The following ALMS1 variants were observed in gnomAD, a reference collection of about 807,000 sequenced individuals.
ALMS1 encodes the protein centrosome-associated protein ALMS1.
Under a neutral mutation model 352.2 loss-of-function variants are expected in ALMS1, and 271 were observed. The ratio of observed to expected loss-of-function variants is 0.77; its 90% confidence interval spans 0.70 to 0.85. The LOEUF is 0.85. Ranked by LOEUF, ALMS1 falls within the 40% of genes least tolerant of loss-of-function variation. ALMS1 has a pLI of 0.00. For missense variants in ALMS1, 5,445 were observed against 4,870.7 expected (o/e 1.12, Z -3.51); for synonymous variants, 1,865 against 1,761.2 (o/e 1.06, Z -1.48).
intron 13 of ALMS1, among the ~76,000 whole-genome samples, chr2:73,550,683 A>G (rs548834418): frequency 6.6e-6 from 1 of 152,306 alleles, no homozygotes; most frequent in Non-Finnish European, 1.5e-5. Context: ...ATATGATACA[A>G]CTTTTGAAAT....
rs1421335707 is a variant in ALMS1, at chr2:73,609,635, C to A, written c.*23C>A. ...TGACACAAGTTTATTTTCCTCAGAG[C>A]CTTGGAATTCTATTTTATGAACCTA... On this transcript the variant is annotated 3_prime_UTR_variant, in exon 23 of 23. Transcript: ENST00000613296. 4.3e-6 allele frequency: 7 copies of A among 1,611,244 alleles called. No homozygotes were observed. Among genetic ancestry groups the A allele is most frequent in the Non-Finnish European group, 5.9e-6 (7 of 1,177,396 alleles).
chr2:73,414,083 A>G (rs879884331), intron 2 of ALMS1, among the ~76,000 whole-genome samples: 6 of 152,168 alleles, frequency 3.9e-5, no homozygotes, highest in African/African-American at 7.2e-5. Flanking sequence ...TTTTATTAAG[A>G]TTTCATTGAG....
At chr2:73,435,772 T>A (rs994561905) in intron 7 of ALMS1, among the ~76,000 whole-genome samples, 1 of 151,962 alleles carries the variant, frequency 6.6e-6, no homozygotes, top group Non-Finnish European at 1.5e-5. Context: ...TTCAAAAAAT[T>A]TTTTTGGTAG....
chr2:73,529,936 CACA>C (rs1180852679), intron 11 of ALMS1, among the ~76,000 whole-genome samples: 1 of 152,128 alleles, frequency 6.6e-6, no homozygotes, highest in African/African-American at 2.4e-5. Context: ...CCCTCACTAT[CACA>C]ACAACAGCAT....
At chr2:73,494,120 C>G (rs1026168923) in intron 10 of ALMS1, among the ~76,000 whole-genome samples, 1 of 152,178 alleles carries the variant, frequency 6.6e-6, no homozygotes, top group African/African-American at 2.4e-5. Context: ...AATATGACAC[C>G]TAAGCTTCCC....
intron 12 of ALMS1, among the ~76,000 whole-genome samples, chr2:73,545,658 C>G (rs1674298746): frequency 6.6e-6 from 1 of 152,164 alleles, no homozygotes; most frequent in East Asian, 1.9e-4. Context: ...ACAGTTAAAT[C>G]AGATGAGTGG....
Position 73,426,491 on chromosome 2 carries a change from C to T in ALMS1, c.1276C>T (p.Leu426=), listed in dbSNP as rs2103720416. 6.2e-7 allele frequency: 1 copy of T among 1,614,142 alleles called. No homozygotes were observed. The highest frequency in any genetic ancestry group is 8.5e-7 in the Non-Finnish European group (1 of 1,179,972). The change falls in exon 6 of 23, where the codon CTG becomes TTG. Residue 426 remains leucine (L), a synonymous_variant. Transcript: ENST00000613296. The part of the protein sequence containing the change: ...QGKVESDVIT[L]DGLNENAVVC... ...GAAGGTTGAGTCTGACGTCATTACT[C>T]TGGATGGCCTAAATGAAAATGCTGT...
At chr2:73,485,561 A>G (rs1442666540) in intron 9 of ALMS1, among the ~76,000 whole-genome samples, 2 of 152,200 alleles carry the variant, frequency 1.3e-5, no homozygotes, top group South Asian at 4.1e-4. Context: ...GATGTAGCCT[A>G]CAGAGGCAGG....
chr2:73,596,152 G>A lies in ALMS1; in HGVS notation c.11548-3249G>A, dbSNP rs112093774. On this transcript the variant is annotated intron_variant, in intron 16 of 22. Coordinates refer to ENST00000613296, the MANE Select transcript of ALMS1 (RefSeq NM_001378454.1). ...GTTTGTCTTTTATGGATTGTGGATT[G>A]TACTTGGGGTGTTATATTCAAGAAC... is the stretch of plus-strand genomic sequence containing the variant. Among the ~76,000 whole-genome samples the A allele has an allele frequency of 4.1e-3, 625 of 152,292 alleles. 3 individuals carry two copies. Among genetic ancestry groups the A allele is most frequent in the African/African-American group, 0.014 (596 of 41,552 alleles).
intron 1 of ALMS1, among the ~76,000 whole-genome samples, chr2:73,386,578 T>C (rs530382591): frequency 6.6e-6 from 1 of 152,138 alleles, no homozygotes; most frequent in African/African-American, 2.4e-5. Context: ...AGTGAACAGA[T>C]GAGCTTGACT....
intron 2 of ALMS1, among the ~76,000 whole-genome samples, chr2:73,415,939 G>A (rs1671174140): frequency 6.6e-6 from 1 of 152,194 alleles, no homozygotes. Context: ...AATGTGATAG[G>A]ATAGTTGTCT....
chr2:73,538,819 C>G (rs1047023951), intron 12 of ALMS1, among the ~76,000 whole-genome samples: 1 of 152,160 alleles, frequency 6.6e-6, no homozygotes, highest in Non-Finnish European at 1.5e-5. Context: ...AACTGCAAGG[C>G]GGCAGCGAGG....
At chr2:73,508,204 C>T (rs1171037060) in intron 10 of ALMS1, among the ~76,000 whole-genome samples, 7 of 106,396 alleles carry the variant, frequency 6.6e-5, no homozygotes, top group African/African-American at 1.2e-4. Flanking sequence ...CTTTCTTCTT[C>T]TTCTTTTTTT....
At chr2:73,400,797 CTTT>C (rs1011826993) in intron 1 of ALMS1, among the ~76,000 whole-genome samples, 3 of 151,212 alleles carry the variant, frequency 2.0e-5, no homozygotes, top group African/African-American at 4.9e-5. Context: ...TTTCTTTTTT[CTTT>C]TTTTTGAGAC....
chr2:73,491,646 G>A, intron 10 of ALMS1, 148 bp downstream of exon 10: 6 of 853,084 alleles, frequency 7.0e-6, no homozygotes, highest in Non-Finnish European at 1.1e-5. Flanking sequence ...AGTCTTTCAA[G>A]GAATAAATGT....
intron 9 of ALMS1, 103 bp downstream of exon 9, chr2:73,455,398 C>G: frequency 6.7e-7 from 1 of 1,490,448 alleles, no homozygotes; most frequent in Non-Finnish European, 9.2e-7. Flanking sequence ...TAATATTTGG[C>G]TAAAGCCTTT....
At chr2:73,400,158 C>T (rs866835462) in intron 1 of ALMS1, among the ~76,000 whole-genome samples, 1 of 151,982 alleles carries the variant, frequency 6.6e-6, no homozygotes, top group African/African-American at 2.4e-5. Flanking sequence ...GTTGCCCAGG[C>T]TGGTCTCGAA....
rs1473464176 is a variant in ALMS1, at chr2:73,598,513, C to A, written c.11548-888C>A. Among the ~76,000 whole-genome samples, 6 of 152,316 alleles carry A rather than the reference C, an allele frequency of 3.9e-5. No homozygotes were observed. The South Asian group carries it at 8.3e-4, about 21-fold the overall frequency. ...GATCTTCCTCCCCAAAATTCTGTTA[C>A]AAGTTTCTTTGTGACTCTGGAATAT... is the stretch of plus-strand genomic sequence containing the variant. On this transcript the variant is annotated intron_variant, in intron 16 of 22. Transcript: ENST00000613296.
At chr2:73,508,352 G>A (rs562563387) in intron 10 of ALMS1, among the ~76,000 whole-genome samples, 5 of 151,770 alleles carry the variant, frequency 3.3e-5, no homozygotes, top group African/African-American at 1.2e-4. Flanking sequence ...ACAGGTGCCT[G>A]CCACCACGCC....
Sources: gnomAD v4.1 joint callset for allele counts (sites outside exome capture counted in the v4.1 genomes callset) on GRCh38, gnomAD v4.1.1 for gene constraint, MANE v1.5 for transcripts, NCBI Gene and HGNC (gene_info 2026-07-23, HGNC 2026-07-21) for gene names.